The following TMEM135 variants were observed in gnomAD, a reference collection of about 807,000 sequenced individuals.
The protein encoded by TMEM135 is transmembrane protein 135, also known as peroxisomal membrane protein 52.
In TMEM135, 30 loss-of-function variants were observed where a neutral mutation model predicts 60.3. That is an observed-to-expected ratio of 0.50 (90% confidence interval 0.37 to 0.68). TMEM135 has a LOEUF of 0.68. Among genes scored for constraint, TMEM135 ranks in the 30% least tolerant of loss-of-function variants. TMEM135 has a pLI of 0.00. For synonymous variants in TMEM135, 190 were observed against 186.7 expected, an observed-to-expected ratio of 1.02 and a Z score of -0.14; for missense variants, 468 against 548.8, an observed-to-expected ratio of 0.85 and a Z score of 1.47.
intron 6 of TMEM135, among the ~76,000 whole-genome samples, chr11:87,245,274 T>G (rs1941240151): frequency 6.7e-6 from 1 of 150,090 alleles, no homozygotes; most frequent in Admixed American, 6.7e-5. Flanking sequence ...CTTCCACGTA[T>G]GTGGTCAATT....
At chr11:87,205,790 A>G (rs1018704188) in intron 5 of TMEM135, among the ~76,000 whole-genome samples, 4 of 152,104 alleles carry the variant, frequency 2.6e-5, no homozygotes, top group African/African-American at 9.7e-5. Context: ...CTTGATCTGT[A>G]TCCTCTTGTT....
intron 1 of TMEM135, among the ~76,000 whole-genome samples, chr11:87,044,690 G>A (rs572029880): frequency 9.2e-5 from 14 of 151,944 alleles, no homozygotes; most frequent in South Asian, 2.1e-4. Context: ...TTGCTCTGTC[G>A]CCCAGGCTGG....
intron 4 of TMEM135, among the ~76,000 whole-genome samples, chr11:87,118,325 T>C (rs1857943358): frequency 6.6e-6 from 1 of 152,236 alleles, no homozygotes; most frequent in Non-Finnish European, 1.5e-5. Flanking sequence ...TTCTTTTCTC[T>C]AGCTGCGAAA....
chr11:87,302,564 T>G, intron 8 of TMEM135, 122 bp downstream of exon 8: 1 of 1,267,090 alleles, frequency 7.9e-7, no homozygotes, highest in Non-Finnish European at 1.1e-6. Flanking sequence ...CCAGAAACTG[T>G]GCATAGAATT....
intron 4 of TMEM135, among the ~76,000 whole-genome samples, chr11:87,131,409 G>GGT (rs4014700): frequency 0.47 from 70,659 of 151,676 alleles, 17,089 homozygotes; most frequent in East Asian, 0.79. Context: ...ATTGTTTGTT[G>GGT]GTGTATCCCT....
chr11:87,091,104 G>GA (rs1421207586), intron 3 of TMEM135, among the ~76,000 whole-genome samples: 1 of 151,960 alleles, frequency 6.6e-6, no homozygotes. Context: ...TGGGGAAATA[G>GA]TAATTTTAAA....
At chr11:87,124,730 TGTTA>T (rs908814670) in intron 4 of TMEM135, among the ~76,000 whole-genome samples, 2 of 152,182 alleles carry the variant, frequency 1.3e-5, no homozygotes, top group South Asian at 2.1e-4. Context: ...CTTCCATAGC[TGTTA>T]GTTCATTATT....
intron 5 of TMEM135, among the ~76,000 whole-genome samples, chr11:87,192,586 C>T (rs928729071): frequency 6.6e-5 from 10 of 151,902 alleles, no homozygotes; most frequent in Non-Finnish European, 1.5e-4. Context: ...TTCAAAAAAC[C>T]GCCTATGTTC....
rs1942874942 is a variant in TMEM135 at position 87,324,071 on chromosome 11, T to C, written c.*2738T>C. On this transcript the variant is annotated 3_prime_UTR_variant, in exon 15 of 15. Coordinates refer to ENST00000305494, the MANE Select transcript of TMEM135 (RefSeq NM_022918.4). ...TGTATGTTTTTGATGGAATCCAAAC[T>C]GAGCAAATGTCACACAGTATTTTCT... 2.2e-6 allele frequency: 1 copy of C among 454,014 alleles called. No homozygotes were observed. The highest frequency in any genetic ancestry group is 2.0e-5 in the African/African-American group (1 of 50,024). 28.1% of individuals were successfully genotyped at this position (454,014 alleles called of 1,614,324 possible). A position where few individuals can be genotyped will look rare whatever the true frequency, so the allele number is the denominator to read the frequency against.
chr11:87,250,259 C>A (rs522104), intron 6 of TMEM135, among the ~76,000 whole-genome samples: 100,079 of 151,820 alleles, frequency 0.66, 33,564 homozygotes, highest in Non-Finnish European at 0.71. Context: ...ACCAACTTTT[C>A]ATTTTTTTGA....
intron 6 of TMEM135, among the ~76,000 whole-genome samples, chr11:87,283,293 A>G (rs1438663532): frequency 6.6e-6 from 1 of 151,586 alleles, no homozygotes; most frequent in Non-Finnish European, 1.5e-5. Flanking sequence ...AGACCGTGCC[A>G]TTGCACTCCA....
intron 5 of TMEM135, among the ~76,000 whole-genome samples, chr11:87,169,965 A>G (rs653519): frequency 0.37 from 55,818 of 151,472 alleles, 10,808 homozygotes; most frequent in East Asian, 0.67. Context: ...GTCTTTTCAT[A>G]TAGTCCCATA....
chr11:87,224,402 A>G (rs928938043), intron 5 of TMEM135, among the ~76,000 whole-genome samples: 4 of 152,206 alleles, frequency 2.6e-5, no homozygotes, highest in African/African-American at 7.2e-5. Flanking sequence ...AGCTTTTGTC[A>G]AATGACAGAA....
rs777958728 is a variant in TMEM135, at chr11:87,284,062, A to G, written c.510-11720A>G. On this transcript the variant is annotated intron_variant, in intron 6 of 14. Coordinates refer to ENST00000305494, the MANE Select transcript of TMEM135 (RefSeq NM_022918.4). ...AATAATTTTGGTTCGTAGCAATGCCATAATTTTAAGACACTTGCTAAATTT... is the reference window on the plus strand; with the variant it reads ...AATAATTTTGGTTCGTAGCAATGCCGTAATTTTAAGACACTTGCTAAATTT... Among the ~76,000 whole-genome samples, 281 of 152,340 alleles carry G rather than the reference A, an allele frequency of 1.8e-3. 2 individuals carry two copies. Among genetic ancestry groups the G allele is most frequent in the Non-Finnish European group, 3.3e-3 (226 of 68,024 alleles).
intron 6 of TMEM135, among the ~76,000 whole-genome samples, chr11:87,255,588 C>T (rs1278418824): frequency 4.6e-5 from 7 of 151,692 alleles, no homozygotes; most frequent in African/African-American, 1.2e-4. Context: ...TAGTGCGCTA[C>T]GATTGTGCCT....
At chr11:87,082,760 T>C (rs534533769) in intron 3 of TMEM135, among the ~76,000 whole-genome samples, 1 of 152,320 alleles carries the variant, frequency 6.6e-6, no homozygotes, top group Admixed American at 6.5e-5. Flanking sequence ...TTAAATTTAA[T>C]GTCAGCAATA....
At chr11:87,093,687 C>T (rs1224143161) in intron 4 of TMEM135, among the ~76,000 whole-genome samples, 6 of 151,908 alleles carry the variant, frequency 3.9e-5, no homozygotes, top group East Asian at 1.9e-4. Flanking sequence ...TGCACCATCA[C>T]GCCTGGCTAA....
chr11:87,318,828 A>G (rs1346621862), intron 13 of TMEM135, among the ~76,000 whole-genome samples: 2 of 151,872 alleles, frequency 1.3e-5, no homozygotes, highest in East Asian at 3.9e-4. Flanking sequence ...GCTTCCTGAT[A>G]ATGACTATTC....
intron 5 of TMEM135, among the ~76,000 whole-genome samples, chr11:87,192,378 T>C (rs1939829590): frequency 6.6e-6 from 1 of 152,106 alleles, no homozygotes; most frequent in African/African-American, 2.4e-5. Context: ...TAAAGACAAA[T>C]TTATATTCAG....
Sources: gnomAD v4.1 joint callset for allele counts (sites outside exome capture counted in the v4.1 genomes callset) on GRCh38, gnomAD v4.1.1 for gene constraint, MANE v1.5 for transcripts, NCBI Gene and HGNC (gene_info 2026-07-23, HGNC 2026-07-21) for gene names.